Variants in ATP8A2 observed in about 807,000 individuals in gnomAD.
ATP8A2 encodes the protein phospholipid-transporting ATPase IB.
ATP8A2 carries 100 observed loss-of-function variants against 165.6 expected under a neutral mutation model. That is an observed-to-expected ratio of 0.60 (90% CI 0.51 to 0.71). ATP8A2 has a LOEUF of 0.71. Among genes scored for constraint, ATP8A2 ranks in the 30% least tolerant of loss-of-function variants. The pLI is 0.00. For missense variants in ATP8A2, 1,227 were observed against 1,479.5 expected, an observed-to-expected ratio of 0.83 and a Z score of 2.80; for synonymous variants, 543 against 548.8, an observed-to-expected ratio of 0.99 and a Z score of 0.15.
intron 1 of ATP8A2, among the ~76,000 whole-genome samples, chr13:25,374,336 G>A (rs1201114949): frequency 6.6e-6 from 1 of 152,190 alleles, no homozygotes; most frequent in Non-Finnish European, 1.5e-5. Context: ...TTGTGGGGAA[G>A]AACGCCTAAT....
chr13:25,511,823 C>T (rs1338302598), intron 2 of ATP8A2, among the ~76,000 whole-genome samples: 1 of 151,248 alleles, frequency 6.6e-6, no homozygotes, highest in Non-Finnish European at 1.5e-5. Context: ...AATCTTTGTT[C>T]TTAGAGTTCT....
rs2044134832 is a variant in ATP8A2, at chr13:25,750,683, C to T, written c.2385-18363C>T. Among the ~76,000 whole-genome samples, 3 of 152,062 alleles carry T rather than the reference C, an allele frequency of 2.0e-5. No individual in the cohort carries two copies. The highest frequency in any genetic ancestry group is 6.5e-5 in the Admixed American group (1 of 15,274). On this transcript the variant is annotated intron_variant, in intron 25 of 36. Coordinates refer to ENST00000381655, the MANE Select transcript of ATP8A2 (RefSeq NM_016529.6). The surrounding 1 kb of genome is among the most constrained non-coding windows in gnomAD (Gnocchi z 4.3). ...CTGGGGGCCCTGTCGGCAGGTACCT[C>T]ATATGTGTAGTTTTGGCATCGAGTT...
At chr13:25,650,681 T>A (rs994586850) in intron 24 of ATP8A2, among the ~76,000 whole-genome samples, 2 of 152,202 alleles carry the variant, frequency 1.3e-5, no homozygotes, top group Admixed American at 6.5e-5. Flanking sequence ...CTGTAAGTAC[T>A]GTTTATCAGG....
At chr13:25,769,568 C>T (rs765274339) in intron 26 of ATP8A2, among the ~76,000 whole-genome samples, 1 of 152,224 alleles carries the variant, frequency 6.6e-6, no homozygotes, top group Non-Finnish European at 1.5e-5. Context: ...GCTTTTTCTG[C>T]TGCATTGCCT....
At chr13:25,691,281 TC>T (rs2137865578) in intron 24 of ATP8A2, among the ~76,000 whole-genome samples, 1 of 152,338 alleles carries the variant, frequency 6.6e-6, no homozygotes, top group South Asian at 2.1e-4. Context: ...GTTACCTGAC[TC>T]TGTACCTTTG....
intron 1 of ATP8A2, among the ~76,000 whole-genome samples, chr13:25,429,103 C>T (rs2034531736): frequency 1.3e-5 from 2 of 152,082 alleles, no homozygotes; most frequent in African/African-American, 4.8e-5. Context: ...CACCGTGGCT[C>T]ATGCCTGTAA....
intron 24 of ATP8A2, among the ~76,000 whole-genome samples, chr13:25,650,039 T>G (rs1464385945): frequency 1.3e-5 from 2 of 152,348 alleles, no homozygotes; most frequent in East Asian, 3.9e-4. Flanking sequence ...CTTGGAATGC[T>G]AGGGAAGCTG....
intron 33 of ATP8A2, among the ~76,000 whole-genome samples, chr13:25,925,569 CCTT>C (rs1208486005): frequency 2.0e-5 from 3 of 151,764 alleles, no homozygotes; most frequent in Non-Finnish European, 2.9e-5. Flanking sequence ...AGATGGGTCT[CCTT>C]CTTGACAGGC....
At chr13:25,796,690 T>C (rs1950504930) in intron 27 of ATP8A2, among the ~76,000 whole-genome samples, 1 of 152,232 alleles carries the variant, frequency 6.6e-6, no homozygotes, top group Admixed American at 6.5e-5. Context: ...AGAGCCCTTA[T>C]CTGGATTCCT....
chr13:25,401,214 A>G (rs912651619), intron 1 of ATP8A2, among the ~76,000 whole-genome samples: 1 of 152,198 alleles, frequency 6.6e-6, no homozygotes, highest in East Asian at 1.9e-4. Context: ...GTATTGCAGA[A>G]TAGTGAGGAT....
chr13:25,987,990 A>T (rs534971781), intron 35 of ATP8A2, among the ~76,000 whole-genome samples: 7 of 152,264 alleles, frequency 4.6e-5, no homozygotes, highest in Admixed American at 6.5e-5. Flanking sequence ...TGGATGATGC[A>T]GTATTTTTCA....
intron 1 of ATP8A2, among the ~76,000 whole-genome samples, chr13:25,413,566 A>G (rs774012857): frequency 6.6e-6 from 1 of 152,172 alleles, no homozygotes; most frequent in Non-Finnish European, 1.5e-5. Flanking sequence ...CCAAAGACTT[A>G]CAACCTTAAT....
intron 33 of ATP8A2, among the ~76,000 whole-genome samples, chr13:25,937,357 T>C (rs1954924036): frequency 1.0e-5 from 1 of 98,342 alleles, no homozygotes. Flanking sequence ...TTCTATTCTT[T>C]CTTTCTTTTT....
intron 24 of ATP8A2, among the ~76,000 whole-genome samples, chr13:25,627,781 AATGC>A (rs1205915703): frequency 2.0e-5 from 3 of 152,180 alleles, no homozygotes; most frequent in Non-Finnish European, 2.9e-5. Context: ...ATCTGGAGGA[AATGC>A]ATCATTTGGT....
At chr13:26,010,816 C>G (rs928728903) in intron 35 of ATP8A2, among the ~76,000 whole-genome samples, 2 of 152,204 alleles carry the variant, frequency 1.3e-5, no homozygotes, top group East Asian at 3.9e-4. Context: ...TCTTCCTCAG[C>G]CATGAGACGT....
intron 25 of ATP8A2, among the ~76,000 whole-genome samples, chr13:25,704,207 C>T (rs565974127): frequency 6.6e-6 from 1 of 152,294 alleles, no homozygotes; most frequent in East Asian, 1.9e-4. Context: ...CCCGTGGCAC[C>T]TCTCTTCTCC....
rs1566153423 is a variant in ATP8A2 at position 25,465,723 on chromosome 13, CTTTCTTTCTT to C, written c.77-3252_77-3243del. ...TCTTTCTTTCTTTCTTTCTTTCTTT[CTTTCTTTCTT>C]TCTTTCCCTCCCTCCCTCTCTCTCT... On this transcript the variant is annotated intron_variant, in intron 1 of 36. Transcript: ENST00000381655. 5.4e-3 allele frequency among the ~76,000 whole-genome samples: 258 copies of C among 47,472 alleles called. 18 individuals are homozygous for C. The highest frequency in any genetic ancestry group is 0.02 in the African/African-American group (249 of 12,164). The allele number at this position is 47,472 out of a possible 152,430, so 31.1% of individuals were successfully genotyped here.
intron 1 of ATP8A2, among the ~76,000 whole-genome samples, chr13:25,375,141 C>T (rs924171794): frequency 6.6e-6 from 1 of 152,074 alleles, no homozygotes; most frequent in African/African-American, 2.4e-5. Context: ...ATCCTCTTGC[C>T]CGTATAGTGC....
intron 24 of ATP8A2, among the ~76,000 whole-genome samples, chr13:25,689,318 G>C (rs2042673479): frequency 1.3e-5 from 2 of 152,194 alleles, no homozygotes; most frequent in South Asian, 2.1e-4. Flanking sequence ...ATTAACATTT[G>C]TCGCTGTAAG....
Sources: allele counts gnomAD v4.1 joint callset (sites outside exome capture counted in the v4.1 genomes callset), GRCh38; gene constraint gnomAD v4.1.1; non-coding constraint Gnocchi (gnomAD v3.1); transcripts MANE v1.5; gene names NCBI Gene and HGNC (gene_info 2026-07-23, HGNC 2026-07-21).